The following PCDHA1 variants were observed in gnomAD, a reference collection of about 807,000 sequenced individuals.
PCDHA1 encodes the protein protocadherin alpha 1, also known as protocadherin alpha-1.
PCDHA1 carries 42 observed loss-of-function variants against 61.3 expected under a neutral mutation model. The ratio of observed to expected loss-of-function variants is 0.69; its 90% CI spans 0.54 to 0.89. The LOEUF (loss-of-function observed/expected upper bound fraction) is 0.89. PCDHA1 is among the 40% of genes least tolerant of loss of function. PCDHA1 has a pLI of 0.00. For synonymous variants in PCDHA1, 610 were observed against 553.8 expected (o/e 1.10, Z -1.43); for missense variants, 1,256 against 1,235.3 (o/e 1.02, Z -0.25).
intron 1 of PCDHA1, chr5:140,884,619 A>G (rs782146160): frequency 3.1e-6 from 5 of 1,614,074 alleles, no homozygotes; most frequent in Non-Finnish European, 4.2e-6. Context: ...GGTTCTGCAG[A>G]GGGAACAGGC....
chr5:140,881,282 G>A, intron 1 of PCDHA1: 1 of 795,028 alleles, frequency 1.3e-6, no homozygotes, highest in Non-Finnish European at 1.5e-6. Context: ...GTAAGATGGA[G>A]AGAGAAAATG....
chr5:140,818,984 A>G (rs1254064756), intron 1 of PCDHA1, among the ~76,000 whole-genome samples: 1 of 152,256 alleles, frequency 6.6e-6, no homozygotes, highest in African/African-American at 2.4e-5. Flanking sequence ...AACTATTCTC[A>G]TATTTTCTAT....
chr5:140,806,497 A>T (rs1554123626), intron 1 of PCDHA1, among the ~76,000 whole-genome samples: 1 of 152,192 alleles, frequency 6.6e-6, no homozygotes, highest in Non-Finnish European at 1.5e-5. Context: ...ACATGACTCA[A>T]GGAAGACATC....
intron 1 of PCDHA1, among the ~76,000 whole-genome samples, chr5:140,956,909 A>C (rs1395848380): frequency 2.0e-5 from 3 of 152,198 alleles, no homozygotes; most frequent in African/African-American, 7.2e-5. Context: ...TAAATGTATA[A>C]ACTTTAATCT....
At chr5:140,862,122 G>A (rs2047215545) in intron 1 of PCDHA1, 2 of 161,786 alleles carry the variant, frequency 1.2e-5, no homozygotes, top group Admixed American at 5.7e-5. Flanking sequence ...ATAAATAAAT[G>A]TAAAGATAGG....
At chr5:140,929,321 C>A (rs1554206981) in intron 1 of PCDHA1, 1 of 1,541,174 alleles carries the variant, frequency 6.5e-7, no homozygotes, top group Non-Finnish European at 8.8e-7. Flanking sequence ...AATGTCAATG[C>A]CATGGTAAGC....
intron 1 of PCDHA1, chr5:140,869,064 A>G (rs782442864): frequency 1.9e-6 from 3 of 1,559,452 alleles, no homozygotes; most frequent in East Asian, 4.5e-5. Flanking sequence ...TGGTACTGTA[A>G]GTGTAAAGAA....
chr5:140,961,599 G>A (rs1012408317), intron 1 of PCDHA1, among the ~76,000 whole-genome samples: 3 of 152,062 alleles, frequency 2.0e-5, no homozygotes, highest in Non-Finnish European at 4.4e-5. Flanking sequence ...AATGATTCTA[G>A]TAAATGAAAC....
intron 1 of PCDHA1, among the ~76,000 whole-genome samples, chr5:140,947,967 T>C (rs565128955): frequency 1.2e-4 from 18 of 151,462 alleles, no homozygotes; most frequent in Non-Finnish European, 2.2e-4. Flanking sequence ...ATTAAGTATG[T>C]GCTACTCATA....
intron 1 of PCDHA1, among the ~76,000 whole-genome samples, chr5:140,846,373 C>CTTTTTTTTT (rs374699051): frequency 1.6e-4 from 9 of 55,150 alleles, no homozygotes; most frequent in Non-Finnish European, 2.9e-4. Context: ...TTCTTTCTTT[C>CTTTTTTTTT]TTTTTTTTTT....
intron 1 of PCDHA1, among the ~76,000 whole-genome samples, chr5:140,800,325 A>C (rs1762539903): frequency 6.6e-6 from 1 of 152,184 alleles, no homozygotes; most frequent in African/African-American, 2.4e-5. Context: ...TACAGTCAAG[A>C]CAGTTGATGA....
chr5:140,863,164 G>A, intron 1 of PCDHA1: 2 of 661,250 alleles, frequency 3.0e-6, no homozygotes, highest in Non-Finnish European at 5.5e-6. Flanking sequence ...CTGCGAGCTG[G>A]CGCTGACTGC....
rs921095598 is a variant in PCDHA1 at position 140,929,476 on chromosome 5, T to C, written c.2395-49473T>C. 1.0e-5 allele frequency: 13 copies of C among 1,254,174 alleles called. No individual in the cohort carries two copies. In the African/African-American group the frequency reaches 2.0e-4, roughly 19 times the overall value. 77.7% of individuals were successfully genotyped at this position (1,254,174 alleles called of 1,614,324 possible). On this transcript the variant is annotated intron_variant, in intron 1 of 3. Coordinates refer to ENST00000504120, the MANE Select transcript of PCDHA1 (RefSeq NM_018900.4). ...CTTCCTGTGCCAAGAAATCTGGAAG[T>C]ATAGAAGTATTAGAAGATTGCCCTA...
At chr5:140,798,763 G>T (rs1762359372) in intron 1 of PCDHA1, among the ~76,000 whole-genome samples, 1 of 152,134 alleles carries the variant, frequency 6.6e-6, no homozygotes, top group African/African-American at 2.4e-5. Flanking sequence ...TTATAACACT[G>T]AACTCGACAA....
At chr5:140,902,953 C>T (rs549407032) in intron 1 of PCDHA1, among the ~76,000 whole-genome samples, 24 of 152,278 alleles carry the variant, frequency 1.6e-4, no homozygotes, top group East Asian at 1.3e-3. Flanking sequence ...TCTTTATCCA[C>T]TTGTTGGCTG....
intron 1 of PCDHA1, among the ~76,000 whole-genome samples, chr5:140,935,731 T>C (rs923257790): frequency 2.6e-5 from 4 of 152,202 alleles, no homozygotes; most frequent in Non-Finnish European, 4.4e-5. Context: ...AGAAGTCTAG[T>C]ATCTATTATT....
At position 140,788,172 on chromosome 5, in the gene PCDHA1, A is replaced by G; in HGVS notation, c.1882A>G (p.Thr628Ala). 1 of 1,613,968 alleles carries G rather than the reference A, an allele frequency of 6.2e-7. No homozygotes were observed. Among genetic ancestry groups the G allele is most frequent in the South Asian group, 1.1e-5 (1 of 91,080 alleles). ...ARIPFRVGLY[T>A]GEISTTRVLD... ...CATCCCGTTCCGCGTGGGGCTGTAC[A>G]CGGGCGAGATCAGCACGACTCGTGT... The change falls in exon 1 of 4, where the codon ACG becomes GCG. Residue 628 changes from threonine (T) to alanine (A), a missense_variant. By Grantham distance (58) the Thr-to-Ala change is moderately conservative. Transcript: ENST00000504120.
At chr5:140,886,461 A>G (rs1434440381) in intron 1 of PCDHA1, among the ~76,000 whole-genome samples, 2 of 152,116 alleles carry the variant, frequency 1.3e-5, no homozygotes, top group African/African-American at 2.4e-5. Context: ...TCATATATAA[A>G]TGTTTTTAAA....
chr5:140,890,788 T>C (rs892426818), intron 1 of PCDHA1, among the ~76,000 whole-genome samples: 1 of 152,222 alleles, frequency 6.6e-6, no homozygotes, highest in Non-Finnish European at 1.5e-5. Flanking sequence ...AAGATATTAG[T>C]ATTATTTTAT....
Sources: gnomAD v4.1 joint callset for allele counts (sites outside exome capture counted in the v4.1 genomes callset) on GRCh38, gnomAD v4.1.1 for gene constraint, MANE v1.5 for transcripts, NCBI Gene and HGNC (gene_info 2026-07-23, HGNC 2026-07-21) for gene names.